Variants in SLC12A8 observed in about 807,000 individuals in gnomAD.
SLC12A8 encodes cation-chloride cotransporter 9.
SLC12A8 carries 69 observed loss-of-function variants against 75.6 expected under a neutral mutation model. The ratio of observed to expected loss-of-function variants is 0.91; its 90% CI spans 0.75 to 1.11. The LOEUF is 1.11. Among genes scored for constraint, SLC12A8 ranks in the 50% most tolerant of loss-of-function variants. SLC12A8 has a pLI of 0.00. For missense variants in SLC12A8, 877 were observed against 896.7 expected, an observed-to-expected ratio of 0.98 and a Z score of 0.28; for synonymous variants, 365 against 372.8, an observed-to-expected ratio of 0.98 and a Z score of 0.24.
intron 2 of SLC12A8, among the ~76,000 whole-genome samples, chr3:125,208,791 CAGAGAGAGAG>C (rs1287670719): frequency 3.6e-5 from 3 of 84,228 alleles, no homozygotes; most frequent in East Asian, 3.0e-4. Flanking sequence ...CACACACACA[CAGAGAGAGAG>C]AGAGAGAGAG....
chr3:125,143,135 C>G (rs1241320781), intron 5 of SLC12A8, among the ~76,000 whole-genome samples: 2 of 152,168 alleles, frequency 1.3e-5, no homozygotes, highest in South Asian at 2.1e-4. Context: ...TCAAAAGACA[C>G]GCAGAGTCAA....
chr3:125,204,409 T>G (rs574987003), intron 2 of SLC12A8, among the ~76,000 whole-genome samples: 11 of 152,328 alleles, frequency 7.2e-5, no homozygotes, highest in Non-Finnish European at 1.5e-4. Flanking sequence ...TAAAAATGAA[T>G]GAAATCCTGT....
intron 2 of SLC12A8, among the ~76,000 whole-genome samples, chr3:125,207,526 G>A (rs1935248919): frequency 1.3e-5 from 2 of 152,196 alleles, no homozygotes; most frequent in Non-Finnish European, 1.5e-5. Context: ...GGGGATCCTG[G>A]CAAGAACTGT....
rs556974643 is a variant in SLC12A8 at position 125,082,898 on chromosome 3, T to C, written c.*992A>G. On this transcript the variant is annotated 3_prime_UTR_variant, in exon 14 of 14. Transcript: ENST00000469902. The stretch of plus-strand genomic sequence containing the variant: ...TTATACAATGAAAAAAATGAACAAA[T>C]GGCATATGAATTGATATGAAATGTC... 1 of 152,246 alleles carries C rather than the reference T, an allele frequency of 6.6e-6. No individual in the cohort carries two copies. The highest frequency in any genetic ancestry group is 2.4e-5 in the African/African-American group (1 of 41,534). 9.4% of individuals were successfully genotyped at this position (152,246 alleles called of 1,614,324 possible).
At chr3:125,193,138 G>A (rs1934939176) in intron 2 of SLC12A8, among the ~76,000 whole-genome samples, 1 of 152,222 alleles carries the variant, frequency 6.6e-6, no homozygotes, top group African/African-American at 2.4e-5. Context: ...GGAGGCTGAG[G>A]TGGGTGGATC....
At chr3:125,138,307 G>T (rs888939403) in intron 5 of SLC12A8, among the ~76,000 whole-genome samples, 1 of 152,108 alleles carries the variant, frequency 6.6e-6, no homozygotes, top group African/African-American at 2.4e-5. Flanking sequence ...AGGCTGAGGC[G>T]AGAGGATTGC....
At chr3:125,097,279 C>T (rs1443489455) in intron 10 of SLC12A8, among the ~76,000 whole-genome samples, 2 of 151,900 alleles carry the variant, frequency 1.3e-5, no homozygotes, top group Non-Finnish European at 2.9e-5. Context: ...ATCCCAGCTA[C>T]TTGGGAGGCT....
chr3:125,088,733 T>C (rs1489913063), intron 12 of SLC12A8, among the ~76,000 whole-genome samples: 1 of 152,230 alleles, frequency 6.6e-6, no homozygotes, highest in Non-Finnish European at 1.5e-5. Flanking sequence ...ATACACGCCA[T>C]AAAATTTTCT....
intron 8 of SLC12A8, 56 bp from the exon 9 acceptor site, chr3:125,110,391 AC>A (rs200697032): frequency 1.5e-5 from 24 of 1,567,370 alleles, no homozygotes; most frequent in Middle Eastern, 1.7e-4. Context: ...GTGCCTTTCT[AC>A]CCCCCCAGCA....
In SLC12A8 at chr3:125,091,260, T is replaced by C. The variant is rs760615700; in HGVS notation, c.1921+179A>G. Among the ~76,000 whole-genome samples, 14 of 152,354 alleles carry C rather than the reference T, an allele frequency of 9.2e-5. No homozygotes were observed. Among genetic ancestry groups the C allele is most frequent in the Non-Finnish European group, 5.9e-5 (4 of 68,040 alleles). On this transcript the variant is annotated intron_variant, in intron 12 of 13. Transcript: ENST00000469902. ...TATAAACCTCATTTTTAAGTTATTA[T>C]TTTTATTGGTAATCATTCATGTGCT...
intron 13 of SLC12A8, among the ~76,000 whole-genome samples, chr3:125,086,455 A>G (rs964801435): frequency 6.6e-6 from 1 of 152,196 alleles, no homozygotes; most frequent in Admixed American, 6.5e-5. Flanking sequence ...TCAGAGTACA[A>G]CATAAGGACT....
chr3:125,122,732 C>A lies in SLC12A8; in HGVS notation c.737-2046G>T, dbSNP rs534852491. ...CAGCAGGGAGACAGACCTAACCATGCGACAGCTGGGGAAATCCATGCCCAC... is the reference window on the plus strand; with the variant it reads ...CAGCAGGGAGACAGACCTAACCATGAGACAGCTGGGGAAATCCATGCCCAC... On this transcript the variant is annotated intron_variant, in intron 6 of 13. Coordinates refer to ENST00000469902, the MANE Select transcript of SLC12A8 (RefSeq NM_024628.6). 4.6e-5 allele frequency among the ~76,000 whole-genome samples: 7 copies of A among 152,226 alleles called. No individual in the cohort carries two copies. In the East Asian group the frequency reaches 5.8e-4, roughly 13 times the overall value.
At chr3:125,159,747 G>C (rs1215060165) in intron 5 of SLC12A8, among the ~76,000 whole-genome samples, 1 of 152,166 alleles carries the variant, frequency 6.6e-6, no homozygotes, top group Non-Finnish European at 1.5e-5. Flanking sequence ...GAGCTTAGAG[G>C]AAAAATACAG....
At chr3:125,116,048 A>G (rs1206542439) in intron 8 of SLC12A8, among the ~76,000 whole-genome samples, 1 of 152,178 alleles carries the variant, frequency 6.6e-6, no homozygotes, top group Non-Finnish European at 1.5e-5. Context: ...TCTGTGGCCC[A>G]ATCTACTGCC....
chr3:125,089,574 T>A (rs1223083676), intron 12 of SLC12A8, among the ~76,000 whole-genome samples: 1 of 146,250 alleles, frequency 6.8e-6, no homozygotes, highest in Non-Finnish European at 1.5e-5. Flanking sequence ...TTCTTAACAT[T>A]ACTGTTTTCT....
At chr3:125,204,229 T>C (rs1457682404) in intron 2 of SLC12A8, among the ~76,000 whole-genome samples, 2 of 152,140 alleles carry the variant, frequency 1.3e-5, no homozygotes, top group African/African-American at 2.4e-5. Flanking sequence ...AATCCCACTG[T>C]GGGTACTTAT....
intron 5 of SLC12A8, among the ~76,000 whole-genome samples, chr3:125,163,383 G>A (rs1369787969): frequency 6.6e-6 from 1 of 151,960 alleles, no homozygotes; most frequent in Non-Finnish European, 1.5e-5. Context: ...CGAGGTGGAC[G>A]GATCACGAGG....
At chr3:125,182,155 T>C (rs2107791093) in intron 4 of SLC12A8, among the ~76,000 whole-genome samples, 1 of 152,272 alleles carries the variant, frequency 6.6e-6, no homozygotes, top group South Asian at 2.1e-4. Context: ...CAAAACTTTG[T>C]CTCTACAAAA....
chr3:125,093,223 T>C (rs527546007), intron 10 of SLC12A8, among the ~76,000 whole-genome samples: 2 of 152,360 alleles, frequency 1.3e-5, no homozygotes, highest in African/African-American at 2.4e-5. Flanking sequence ...CTTCGCAGTA[T>C]GTTTATACTT....
Sources: allele counts gnomAD v4.1 joint callset (sites outside exome capture counted in the v4.1 genomes callset), GRCh38; gene constraint gnomAD v4.1.1; transcripts MANE v1.5; gene names NCBI Gene and HGNC (gene_info 2026-07-23, HGNC 2026-07-21).